PLA2G6: variants seen among roughly 807,000 people sequenced by gnomAD.
PLA2G6 encodes the protein 85/88 kDa calcium-independent phospholipase A2.
Under a neutral mutation model 83.8 loss-of-function variants are expected in PLA2G6, and 62 were observed. The observed-to-expected ratio is 0.74, with a 90% confidence interval of 0.60 to 0.91. The LOEUF is 0.91. PLA2G6 is among the 40% of genes least tolerant of loss of function. The probability of loss-of-function intolerance (pLI) is 0.00; values close to 1 mark genes in which losing one functional copy is unlikely to be tolerated. For missense variants in PLA2G6, 944 were observed against 1,102.0 expected, an observed-to-expected ratio of 0.86 and a Z score of 2.03; for synonymous variants, 417 against 449.8, an observed-to-expected ratio of 0.93 and a Z score of 0.92.
chr22:38,143,388 A>C (rs1044717680), intron 3 of PLA2G6, 100 bp from the exon 4 acceptor site: 3 of 1,151,950 alleles, frequency 2.6e-6, no homozygotes, highest in Non-Finnish European at 3.9e-6. Context: ...GGAAACTCGG[A>C]CTTTCTGGTT....
At chr22:38,112,917 T>A in intron 15 of PLA2G6, 1 of 450,580 alleles carries the variant, frequency 2.2e-6, no homozygotes, top group Non-Finnish European at 4.1e-6. Context: ...CTTTCTTTCT[T>A]TCTTTTTGAG....
chr22:38,145,032 C>CCTTTT lies in PLA2G6; in HGVS notation c.425+405_425+406insAAAAG. Reference sequence around the variant, plus strand: ...TTTTAATCTGGTAGCAACGCAGCACCTTTTTTTTTTTTTTTTTTTTTTTCC... The same window carrying CCTTTT: ...TTTTAATCTGGTAGCAACGCAGCACCCTTTTTTTTTTTTTTTTTTTTTTTTTTTCC... On this transcript the variant is annotated intron_variant, in intron 3 of 16. Transcript: ENST00000332509. The CCTTTT allele has an allele frequency of 1.6e-5, 3 of 192,566 alleles. No homozygotes were observed. The South Asian group carries it at 1.7e-4, about 11-fold the overall frequency. 11.9% of individuals were successfully genotyped at this position (192,566 alleles called of 1,614,324 possible).
At position 38,128,426 on chromosome 22, in the gene PLA2G6, G is replaced by C; in HGVS notation, c.1191C>G (p.Val397=). 1 of 1,614,080 alleles carries C rather than the reference G, an allele frequency of 6.2e-7. No individual in the cohort carries two copies. Among genetic ancestry groups the C allele is most frequent in the Non-Finnish European group, 8.5e-7 (1 of 1,180,008 alleles). ...GCAGAGTCAAGATCGCCTTCCTGGT[G>C]ACAACTTGTCATGGTTTGGGGAAGG... ...TFLASKIGRL[V]TRKAILTLLR... Residue 397 remains valine (V), a synonymous_variant, in exon 9 of 17, where the codon GTC becomes GTG. Transcript: ENST00000332509. This position sits in a 1 kb window ranked among gnomAD's most constrained non-coding sequence, Gnocchi z 4.4.
intron 1 of PLA2G6, among the ~76,000 whole-genome samples, chr22:38,175,396 C>T (rs2090595142): frequency 1.3e-5 from 2 of 152,258 alleles, no homozygotes; most frequent in Admixed American, 1.3e-4. Flanking sequence ...CCATGACCTC[C>T]CAGGGAAAGC....
At chr22:38,164,748 A>C (rs1205314818) in intron 2 of PLA2G6, among the ~76,000 whole-genome samples, 1 of 152,178 alleles carries the variant, frequency 6.6e-6, no homozygotes, top group East Asian at 1.9e-4. Context: ...TGCTCACTCT[A>C]ACACGCGTCA....
intron 1 of PLA2G6, among the ~76,000 whole-genome samples, chr22:38,175,031 G>A (rs993127560): frequency 3.9e-5 from 6 of 152,266 alleles, no homozygotes; most frequent in African/African-American, 1.2e-4. Context: ...TTCCCTGAAG[G>A]ACCCTGGGCA....
intron 1 of PLA2G6, among the ~76,000 whole-genome samples, chr22:38,175,163 A>T (rs1426199999): frequency 6.6e-6 from 1 of 152,088 alleles, no homozygotes; most frequent in Non-Finnish European, 1.5e-5. Context: ...GCTTTTCTGT[A>T]GTGAAAGGGG....
rs1163574511 is a variant in PLA2G6 at position 38,145,339 on chromosome 22, T to C, written c.425+99A>G. The C allele has an allele frequency of 2.9e-6, 3 of 1,042,144 alleles. No homozygotes were observed. The Admixed American group carries it at 6.0e-5, about 21-fold the overall frequency. The allele number at this position is 1,042,144 out of a possible 1,614,324, so 64.6% of individuals were successfully genotyped here. Reference sequence around the variant, plus strand: ...CGACCATGCCAGGCCCTGCTCCTTTTTAAGTCAAACTATGGAGGGGAACCG... The same window carrying C: ...CGACCATGCCAGGCCCTGCTCCTTTCTAAGTCAAACTATGGAGGGGAACCG... On this transcript the variant is annotated intron_variant, in intron 3 of 16. Coordinates refer to ENST00000332509, the MANE Select transcript of PLA2G6 (RefSeq NM_003560.4).
chr22:38,127,805 G>A (rs746590309), intron 9 of PLA2G6, among the ~76,000 whole-genome samples: 5 of 152,200 alleles, frequency 3.3e-5, no homozygotes, highest in South Asian at 2.1e-4. Context: ...CACATTCAAC[G>A]TCTGAAAGTC....
At position 38,112,680 on chromosome 22, in the gene PLA2G6, C is replaced by T. The variant is rs2086951590; in HGVS notation, c.2203-103G>A. 33 of 993,716 alleles carry T rather than the reference C, an allele frequency of 3.3e-5. No homozygotes were observed. In the East Asian group the frequency reaches 8.3e-4, roughly 25 times the overall value. 61.6% of individuals were successfully genotyped at this position (993,716 alleles called of 1,614,324 possible). Reference sequence around the variant, plus strand: ...CTCGGAGCCCCAGCCTGGGGAGCCCCAGGCTCTTTCGAGTCAGGCTGAGCC... The same window carrying T: ...CTCGGAGCCCCAGCCTGGGGAGCCCTAGGCTCTTTCGAGTCAGGCTGAGCC... On this transcript the variant is annotated intron_variant, in intron 15 of 16. Transcript: ENST00000332509.
intron 1 of PLA2G6, among the ~76,000 whole-genome samples, chr22:38,170,303 C>G (rs1306506200): frequency 1.3e-5 from 2 of 152,014 alleles, no homozygotes; most frequent in South Asian, 4.2e-4. Context: ...ATGTCACACT[C>G]TATCGGAGCA....
At chr22:38,148,344 TTC>T (rs749458650) in intron 2 of PLA2G6, 67 of 591,778 alleles carry the variant, frequency 1.1e-4, no homozygotes, top group Non-Finnish European at 1.9e-4. Context: ...GGAACGATGA[TTC>T]TCTCTCAGAA....
rs1200642184 is a variant in PLA2G6 at position 38,132,686 on chromosome 22, G to C, written c.1077+145C>G. The stretch of plus-strand genomic sequence containing the variant: ...GAAGGCTTCCTGAGGGAGGAGTCAG[G>C]GTCTGAACTGAGCTTTGGGTGGGAA... On this transcript the variant is annotated intron_variant, in intron 7 of 16. Transcript: ENST00000332509. The surrounding 1 kb of genome is among the most constrained non-coding windows in gnomAD (Gnocchi z 5.0). 2.7e-6 allele frequency: 2 copies of C among 744,028 alleles called. No homozygotes were observed. Among genetic ancestry groups the C allele is most frequent in the Admixed American group, 2.3e-5 (1 of 43,596 alleles). 46.1% of individuals were successfully genotyped at this position (744,028 alleles called of 1,614,324 possible). A position where few individuals can be genotyped will look rare whatever the true frequency, so the allele number is the denominator to read the frequency against.
At chr22:38,115,837 T>C (rs777074144) in intron 13 of PLA2G6, 156 bp from the exon 14 acceptor site, 199 of 1,475,008 alleles carry the variant, frequency 1.3e-4, no homozygotes, top group Non-Finnish European at 1.6e-4. Context: ...CCACACTCTC[T>C]GGCTAGTTCG....
At chr22:38,145,845 A>C in intron 2 of PLA2G6, 192 bp from the exon 3 acceptor site, 2 of 567,440 alleles carry the variant, frequency 3.5e-6, no homozygotes, top group Non-Finnish European at 6.4e-6. Flanking sequence ...CCCTATACAC[A>C]TGTAAATGAC....
chr22:38,147,559 G>C (rs1199855916), intron 2 of PLA2G6: 1 of 31,792 alleles, frequency 3.1e-5, no homozygotes, highest in African/African-American at 1.3e-4. Flanking sequence ...TTTTTTTTTT[G>C]AGACAGAGTC....
At position 38,112,590 on chromosome 22, in the gene PLA2G6, A is replaced by C; in HGVS notation, c.2203-13T>G. On this transcript the variant is annotated splice_polypyrimidine_tract_variant and intron_variant, in intron 15 of 16. Transcript: ENST00000332509. Reference sequence around the variant, plus strand: ...CTGGATCCGTGCACTGGTGAGAAGCAGCCTTGGTGAGTGCCGGGCCCACAC... The same window carrying C: ...CTGGATCCGTGCACTGGTGAGAAGCCGCCTTGGTGAGTGCCGGGCCCACAC... 6.5e-7 allele frequency: 1 copy of C among 1,547,926 alleles called. No homozygotes were observed. The highest frequency in any genetic ancestry group is 8.7e-7 in the Non-Finnish European group (1 of 1,146,086).
At chr22:38,137,048 G>A (rs4987198) in intron 5 of PLA2G6, 15,018 of 152,222 alleles carry the variant, frequency 0.099, 2,512 homozygotes, top group African/African-American at 0.34. Context: ...CTCAGCTTTA[G>A]AGGGGGAATA....
chr22:38,145,087 G>A (rs1252472145), intron 3 of PLA2G6: 1 of 294,988 alleles, frequency 3.4e-6, no homozygotes, highest in Non-Finnish European at 6.6e-6. Context: ...TGTCACCCAG[G>A]CTGAAGTGCA....
Sources: gnomAD v4.1 joint callset for allele counts (sites outside exome capture counted in the v4.1 genomes callset) on GRCh38, gnomAD v4.1.1 for gene constraint, Gnocchi (gnomAD v3.1) non-coding constraint, MANE v1.5 for transcripts, NCBI Gene and HGNC (gene_info 2026-07-23, HGNC 2026-07-21) for gene names.